Variants in ZNF770 observed in about 807,000 individuals in gnomAD.
ZNF770 encodes the protein zinc finger protein 770.
In ZNF770, 13 loss-of-function variants were observed where a neutral mutation model predicts 44.8. That is an observed-to-expected ratio of 0.29 (90% confidence interval 0.19 to 0.46). The LOEUF is 0.46. Among genes scored for constraint, ZNF770 ranks in the 20% least tolerant of loss-of-function variants. The pLI is 1.00. For missense variants in ZNF770, 681 were observed against 797.9 expected, an observed-to-expected ratio of 0.85 and a Z score of 1.77; for synonymous variants, 304 against 271.8, an observed-to-expected ratio of 1.12 and a Z score of -1.17.
chr15:34,987,340 GAGTC>G (rs2050441486), intron 2 of ZNF770, among the ~76,000 whole-genome samples: 1 of 152,208 alleles, frequency 6.6e-6, no homozygotes, highest in Non-Finnish European at 1.5e-5. Flanking sequence ...CTGTTTATGA[GAGTC>G]AGGTTAGGGA....
chr15:34,983,061 G>T lies in ZNF770; in HGVS notation c.374C>A (p.Ser125Ter). 2 of 1,613,932 alleles carry T rather than the reference G, an allele frequency of 1.2e-6. No individual in the cohort carries two copies. The highest frequency in any genetic ancestry group is 2.2e-5 in the South Asian group (2 of 90,998). The change falls in exon 3 of 3, where the codon TCA becomes TAA. Residue 125 changes from serine to a stop codon, truncating the protein, a stop_gained. Coordinates refer to ENST00000356321, the MANE Select transcript of ZNF770 (RefSeq NM_014106.4). LOFTEE classifies it high-confidence loss of function. ...AAAAGTATTATACACTCCATACATT[G>T]ACTTTTCTTGCTTGGCCTCCAGCAA... is the stretch of plus-strand genomic sequence containing the variant. ...RRLLEAKQEK[S>*]MYGVYNTFTT...
rs1434866770 is a variant in ZNF770, at chr15:34,978,934, C to T, written c.*2425G>A. ...TGCAATGTAAATGCTATTTAAATAA[C>T]TGTTATACTGTATTTTTATTTGTAT... On this transcript the variant is annotated 3_prime_UTR_variant, in exon 3 of 3. Transcript: ENST00000356321. The T allele has an allele frequency of 6.6e-6, 1 of 152,222 alleles. No homozygotes were observed. Among genetic ancestry groups the T allele is most frequent in the South Asian group, 2.1e-4 (1 of 4,824 alleles). The allele number at this position is 152,222 out of a possible 1,614,324, so 9.4% of individuals were successfully genotyped here.
intron 2 of ZNF770, among the ~76,000 whole-genome samples, chr15:34,983,795 A>G (rs1164563359): frequency 6.6e-6 from 1 of 152,242 alleles, no homozygotes; most frequent in Non-Finnish European, 1.5e-5. Flanking sequence ...TTTTAATTCC[A>G]ATTTTCCTAT....
Position 34,987,618 on chromosome 15 carries a change from TAC to T in ZNF770, c.-120_-119del, listed in dbSNP as rs2050443631. 6.6e-6 allele frequency: 1 copy of T among 152,238 alleles called. No homozygotes were observed. The highest frequency in any genetic ancestry group is 2.4e-5 in the African/African-American group (1 of 41,462). The allele number at this position is 152,238 out of a possible 1,614,324, so 9.4% of individuals were successfully genotyped here. A position where few individuals can be genotyped will look rare whatever the true frequency, so the allele number is the denominator to read the frequency against. Reference sequence around the variant, plus strand: ...CTGTTGATTTTCTTGTCTTGACTAGTACCATTAAAACGATGTGAGGATTTCAC... The same window carrying T: ...CTGTTGATTTTCTTGTCTTGACTAGTCATTAAAACGATGTGAGGATTTCAC... On this transcript the variant is annotated 5_prime_UTR_variant, in exon 2 of 3. The change abolishes the stop of an existing upstream ORF in the 5' untranslated region. Transcript: ENST00000356321.
intron 2 of ZNF770, among the ~76,000 whole-genome samples, chr15:34,987,080 T>C (rs960287151): frequency 6.6e-6 from 1 of 152,262 alleles, no homozygotes; most frequent in Non-Finnish European, 1.5e-5. Context: ...TTTGTATGTT[T>C]CTTCTTCCCT....
At chr15:34,983,561 C>A (rs1351153206) in intron 2 of ZNF770, 71 bp from the exon 3 acceptor site, 5 of 872,786 alleles carry the variant, frequency 5.7e-6, no homozygotes, top group Non-Finnish European at 7.8e-6. Context: ...TTAAGTTGTT[C>A]TTTGGCTGAA....
At position 34,982,283 on chromosome 15, in the gene ZNF770, T is replaced by C. The variant is rs140551789; in HGVS notation, c.1152A>G (p.Thr384=). Residue 384 remains threonine, a synonymous_variant, in exon 3 of 3, where the codon ACA becomes ACG. Coordinates refer to ENST00000356321, the MANE Select transcript of ZNF770 (RefSeq NM_014106.4). ...GEQSSEQTQR[T]FVGSLGKHGT... ...CATGTTTGCCAAGAGAACCCACAAA[T>C]GTTCTCTGGGTTTGTTCAGAGCTCT... 42 of 1,613,850 alleles carry C rather than the reference T, an allele frequency of 2.6e-5. 1 individual carries two copies. The Middle Eastern group carries it at 5.0e-4, about 19-fold the overall frequency.
rs2050388390 is a variant in ZNF770, at chr15:34,979,710, T to A, written c.*1649A>T. On this transcript the variant is annotated 3_prime_UTR_variant, in exon 3 of 3. Coordinates refer to ENST00000356321, the MANE Select transcript of ZNF770 (RefSeq NM_014106.4). ...AGTTCTCAGTTTATGATGCAAAACTTACAATTGTTCATTTATCCACATTCT... is the reference window on the plus strand; with the variant it reads ...AGTTCTCAGTTTATGATGCAAAACTAACAATTGTTCATTTATCCACATTCT... 2.2e-6 allele frequency: 1 copy of A among 446,826 alleles called. No individual in the cohort carries two copies. The highest frequency in any genetic ancestry group is 4.5e-6 in the Non-Finnish European group (1 of 223,530). The allele number at this position is 446,826 out of a possible 1,614,324, so 27.7% of individuals were successfully genotyped here.
At chr15:34,987,347 G>C (rs888468272) in intron 2 of ZNF770, among the ~76,000 whole-genome samples, 3 of 152,170 alleles carry the variant, frequency 2.0e-5, no homozygotes, top group Non-Finnish European at 4.4e-5. Flanking sequence ...TGAGAGTCAG[G>C]TTAGGGATCC....
At position 34,980,365 on chromosome 15, in the gene ZNF770, G is replaced by A. The variant is rs1397745973; in HGVS notation, c.*994C>T. The A allele has an allele frequency of 6.6e-6, 1 of 151,984 alleles. No homozygotes were observed. The highest frequency in any genetic ancestry group is 1.9e-4 in the East Asian group (1 of 5,202). The allele number at this position is 151,984 out of a possible 1,614,324, so 9.4% of individuals were successfully genotyped here. A position where few individuals can be genotyped will look rare whatever the true frequency, so the allele number is the denominator to read the frequency against. On this transcript the variant is annotated 3_prime_UTR_variant, in exon 3 of 3. Coordinates refer to ENST00000356321, the MANE Select transcript of ZNF770 (RefSeq NM_014106.4). ...TGGTAAGTAAACATGGTAAATATAG[G>A]TACATCCTAGCCTCTCGCCTACTTT...
In ZNF770 at chr15:34,982,509, A is replaced by C; in HGVS notation, c.926T>G (p.Leu309Arg). ...CEKCFESEQI[L>R]NEHSCFAARS... The stretch of plus-strand genomic sequence containing the variant: ...AGCAGCAAAACAGCTGTGTTCATTG[A>C]GAATCTGCTCTGATTCAAAACACTT... The change falls in exon 3 of 3, where the codon CTC becomes CGC. Residue 309 changes from leucine (L) to arginine (R), a missense_variant. Around this residue, in one of 5 missense-constraint regions of ZNF770, gnomAD observed 432 missense variants for 434.1 expected, o/e 1.00. Coordinates refer to ENST00000356321, the MANE Select transcript of ZNF770 (RefSeq NM_014106.4). 1 of 1,614,032 alleles carries C rather than the reference A, an allele frequency of 6.2e-7. No homozygotes were observed. The highest frequency in any genetic ancestry group is 8.5e-7 in the Non-Finnish European group (1 of 1,179,996).
intron 2 of ZNF770, among the ~76,000 whole-genome samples, chr15:34,984,681 T>G (rs2050423340): frequency 6.6e-6 from 1 of 152,052 alleles, no homozygotes; most frequent in African/African-American, 2.4e-5. Context: ...CTTTTCACTT[T>G]GTTGTGAAAT....
chr15:34,980,319 A>G lies in ZNF770; in HGVS notation c.*1040T>C, dbSNP rs139563133. ...ACTCATACGTATTATGAAAAAGACTATGGCACTTAGAAAATATTCCTGGTA... is the reference window on the plus strand; with the variant it reads ...ACTCATACGTATTATGAAAAAGACTGTGGCACTTAGAAAATATTCCTGGTA... On this transcript the variant is annotated 3_prime_UTR_variant, in exon 3 of 3. Transcript: ENST00000356321. 6.6e-6 allele frequency: 1 copy of G among 152,332 alleles called. No individual in the cohort carries two copies. Among genetic ancestry groups the G allele is most frequent in the African/African-American group, 2.4e-5 (1 of 41,574 alleles). The allele number at this position is 152,332 out of a possible 1,614,324, so 9.4% of individuals were successfully genotyped here.
chr15:34,980,380 T>C lies in ZNF770; in HGVS notation c.*979A>G, dbSNP rs1177376536. 1 of 152,128 alleles carries C rather than the reference T, an allele frequency of 6.6e-6. No individual in the cohort carries two copies. Among genetic ancestry groups the C allele is most frequent in the African/African-American group, 2.4e-5 (1 of 41,412 alleles). The allele number at this position is 152,128 out of a possible 1,614,324, so 9.4% of individuals were successfully genotyped here. On this transcript the variant is annotated 3_prime_UTR_variant, in exon 3 of 3. Transcript: ENST00000356321. ...GTAAATATAGGTACATCCTAGCCTC[T>C]CGCCTACTTTTAAATTATTTTGAGA...
Position 34,981,783 on chromosome 15 carries a change from T to C in ZNF770, c.1652A>G (p.Asn551Ser). The C allele has an allele frequency of 1.2e-6, 2 of 1,614,112 alleles. No individual in the cohort carries two copies. Among genetic ancestry groups the C allele is most frequent in the Non-Finnish European group, 1.7e-6 (2 of 1,180,012 alleles). ...NFNNLSNHSG[N>S]NVNYNASQQC... Reference sequence around the variant, plus strand: ...TTGGGAAGCATTATAGTTAACATTATTACCTGAATGATTAGAAAGATTGTT... The same window carrying C: ...TTGGGAAGCATTATAGTTAACATTACTACCTGAATGATTAGAAAGATTGTT... The change falls in exon 3 of 3, where the codon AAT becomes AGT. Residue 551 changes from asparagine (N) to serine (S), a missense_variant. Asn to Ser is a conservative substitution (Grantham distance 46, BLOSUM62 1). Transcript: ENST00000356321.
chr15:34,982,235 A>T lies in ZNF770; in HGVS notation c.1200T>A (p.Asn400Lys). 1.2e-6 allele frequency: 2 copies of T among 1,613,734 alleles called. No homozygotes were observed. The highest frequency in any genetic ancestry group is 8.5e-7 in the Non-Finnish European group (1 of 1,179,924). Residue 400 changes from asparagine to lysine, a missense_variant, in exon 3 of 3, where the codon AAT (asparagine) becomes AAA (lysine). Asn to Lys is a moderately conservative substitution (Grantham distance 94). Around this residue, in one of 5 missense-constraint regions of ZNF770, gnomAD observed 432 missense variants for 434.1 expected, o/e 1.00. Transcript: ENST00000356321. ...GCAAAGTCAATGTTTTCTTCTTTCTATTGCCAATTGTTTTATATGTTCCAT... is the reference window on the plus strand; with the variant it reads ...GCAAAGTCAATGTTTTCTTCTTTCTTTTGCCAATTGTTTTATATGTTCCAT... ...GKHGTYKTIG[N>K]RKKKTLTLPF...
In ZNF770 at chr15:34,982,825, T is replaced by C; in HGVS notation, c.610A>G (p.Lys204Glu). Residue 204 changes from lysine to glutamate, a missense_variant, in exon 3 of 3, where the codon AAA (lysine) becomes GAA (glutamate). Around this residue, in one of 5 missense-constraint regions of ZNF770, gnomAD observed 432 missense variants for 434.1 expected, o/e 1.00. Coordinates refer to ENST00000356321, the MANE Select transcript of ZNF770 (RefSeq NM_014106.4). ...TCTGAATGTGTAAGTTGGTGGATTTTTAAGTGAGTTGACTGTCGAAAAGAT... is the reference window on the plus strand; with the variant it reads ...TCTGAATGTGTAAGTTGGTGGATTTCTAAGTGAGTTGACTGTCGAAAAGAT... ...TKSFRQSTHLKIHQLTHSEER... is the reference protein window; with the variant it reads ...TKSFRQSTHLEIHQLTHSEER... 1.9e-6 allele frequency: 3 copies of C among 1,613,932 alleles called. No homozygotes were observed. Among genetic ancestry groups the C allele is most frequent in the Non-Finnish European group, 2.5e-6 (3 of 1,179,988 alleles).
chr15:34,986,630 A>C (rs554400960), intron 2 of ZNF770, among the ~76,000 whole-genome samples: 104 of 152,362 alleles, frequency 6.8e-4, no homozygotes, highest in African/African-American at 2.2e-3. Flanking sequence ...CCAGTGGTCT[A>C]CTAAATACAA....
Position 34,981,854 on chromosome 15 carries a change from T to C in ZNF770, c.1581A>G (p.Glu527=). The C allele has an allele frequency of 3.1e-6, 5 of 1,613,918 alleles. No individual in the cohort carries two copies. Among genetic ancestry groups the C allele is most frequent in the Non-Finnish European group, 4.2e-6 (5 of 1,179,994 alleles). ...HLKRHEQTHN[E]KSPYASLCQV... ...GGCAAAGAGATGCATAAGGACTCTT[T>C]TCATTATGAGTCTGTTCATGTCTTT... The change falls in exon 3 of 3, where the codon GAA becomes GAG. Residue 527 remains glutamate, a synonymous_variant. Transcript: ENST00000356321.
Sources: gnomAD v4.1 joint callset for allele counts (sites outside exome capture counted in the v4.1 genomes callset) on GRCh38, gnomAD v4.1.1 for gene constraint, gnomAD v4.1.1 regional missense constraint, MANE v1.5 for transcripts, NCBI Gene and HGNC (gene_info 2026-07-23, HGNC 2026-07-21) for gene names.